Variants in NELL2 observed in about 807,000 individuals in gnomAD.
NELL2 encodes the protein protein kinase C-binding protein NELL2.
Under a neutral mutation model 109.6 loss-of-function variants are expected in NELL2, and 41 were observed. The ratio of observed to expected loss-of-function variants is 0.37; its 90% CI spans 0.29 to 0.49. The LOEUF is 0.49. Among genes scored for constraint, NELL2 ranks in the 20% least tolerant of loss-of-function variants. The pLI is 0.98. For synonymous variants in NELL2, 355 were observed against 344.7 expected, an observed-to-expected ratio of 1.03 and a Z score of -0.33; for missense variants, 900 against 1,008.3, an observed-to-expected ratio of 0.89 and a Z score of 1.45.
At chr12:44,771,851 G>A (rs990671447) in intron 9 of NELL2, among the ~76,000 whole-genome samples, 2 of 152,188 alleles carry the variant, frequency 1.3e-5, no homozygotes, top group African/African-American at 4.8e-5. Flanking sequence ...CCAGAAATGC[G>A]CAAACAACTC....
intron 2 of NELL2, among the ~76,000 whole-genome samples, chr12:44,828,761 CTTAAAA>C (rs1197437812): frequency 2.0e-5 from 3 of 152,060 alleles, no homozygotes; most frequent in Non-Finnish European, 2.9e-5. Context: ...TGATTTGGAA[CTTAAAA>C]TTAAAGTATT....
chr12:44,793,748 G>C (rs1409668916), intron 3 of NELL2, among the ~76,000 whole-genome samples: 2 of 152,064 alleles, frequency 1.3e-5, no homozygotes, highest in Non-Finnish European at 2.9e-5. Flanking sequence ...CTGACACATG[G>C]TTAGTACTCA....
At chr12:44,528,733 T>C (rs549350676) in intron 16 of NELL2, among the ~76,000 whole-genome samples, 1 of 152,346 alleles carries the variant, frequency 6.6e-6, no homozygotes, top group African/African-American at 2.4e-5. Flanking sequence ...CAGGTGACTT[T>C]ATAATTTCTA....
intron 15 of NELL2, among the ~76,000 whole-genome samples, chr12:44,564,025 G>A (rs74087610): frequency 6.6e-6 from 1 of 152,248 alleles, no homozygotes; most frequent in African/African-American, 2.4e-5. Context: ...TAAATAGGAT[G>A]ATAACACATT....
At chr12:44,650,897 T>C (rs1947277416) in intron 13 of NELL2, among the ~76,000 whole-genome samples, 1 of 152,190 alleles carries the variant, frequency 6.6e-6, no homozygotes, top group Non-Finnish European at 1.5e-5. Context: ...CTTGGACTAA[T>C]AGCCTCCAGA....
chr12:44,721,894 A>C (rs1324371889), intron 9 of NELL2, among the ~76,000 whole-genome samples: 1 of 152,110 alleles, frequency 6.6e-6, no homozygotes, highest in East Asian at 1.9e-4. Context: ...GTTTCATGAC[A>C]GCTATATTAA....
chr12:44,649,407 C>A (rs1947226057), intron 13 of NELL2, among the ~76,000 whole-genome samples: 5 of 152,180 alleles, frequency 3.3e-5, no homozygotes, highest in African/African-American at 9.7e-5. Flanking sequence ...CTTGGCAAAT[C>A]CACGGTCTTG....
At position 44,753,012 on chromosome 12, in the gene NELL2, G is replaced by T. The variant is rs529989865; in HGVS notation, c.994+21735C>A. ...GCGTCTCCCACCACGACCCTTGGAC[G>T]CTGCAACCCTGCTGGCCTGAACTTT... On this transcript the variant is annotated intron_variant, in intron 9 of 19. Coordinates refer to ENST00000429094, the MANE Select transcript of NELL2 (RefSeq NM_001145108.2). 5.9e-5 allele frequency among the ~76,000 whole-genome samples: 9 copies of T among 152,138 alleles called. No individual in the cohort carries two copies. The East Asian group carries it at 9.7e-4, about 16-fold the overall frequency.
intron 15 of NELL2, among the ~76,000 whole-genome samples, chr12:44,555,173 T>C (rs1456166823): frequency 6.6e-6 from 1 of 152,222 alleles, no homozygotes; most frequent in African/African-American, 2.4e-5. Flanking sequence ...AGCAGCAGCC[T>C]ACTCAACCTG....
chr12:44,644,623 TATACATAC>T (rs1555190911), intron 13 of NELL2, among the ~76,000 whole-genome samples: 3 of 78,892 alleles, frequency 3.8e-5, no homozygotes, highest in East Asian at 9.9e-4. Context: ...TATATATATA[TATACATAC>T]ATATATATAT....
chr12:44,748,088 C>A (rs1940477483), intron 9 of NELL2, among the ~76,000 whole-genome samples: 1 of 152,148 alleles, frequency 6.6e-6, no homozygotes, highest in African/African-American at 2.4e-5. Context: ...ACATCCCCTA[C>A]AAAGTGTGGA....
chr12:44,876,266 A>G lies in NELL2; in HGVS notation c.-397T>C. 8.7e-7 allele frequency: 1 copy of G among 1,144,198 alleles called. No individual in the cohort carries two copies. Among genetic ancestry groups the G allele is most frequent in the South Asian group, 3.0e-5 (1 of 33,192 alleles). 70.9% of individuals were successfully genotyped at this position (1,144,198 alleles called of 1,614,324 possible). A position where few individuals can be genotyped will look rare whatever the true frequency, so the allele number is the denominator to read the frequency against. On this transcript the variant is annotated 5_prime_UTR_variant, in exon 1 of 20. Coordinates refer to ENST00000429094, the MANE Select transcript of NELL2 (RefSeq NM_001145108.2). ...AAAGCCCGGGCTGGGGCGGCCCCGC[A>G]CCCCCCCGTCTTCCCCGCCGCCCGA...
At chr12:44,749,614 T>C (rs1370869951) in intron 9 of NELL2, among the ~76,000 whole-genome samples, 2 of 152,120 alleles carry the variant, frequency 1.3e-5, no homozygotes, top group Non-Finnish European at 1.5e-5. Context: ...ACTGATGTCA[T>C]TTGAGGATTA....
At chr12:44,789,265 G>A (rs1828914886) in intron 3 of NELL2, among the ~76,000 whole-genome samples, 1 of 152,162 alleles carries the variant, frequency 6.6e-6, no homozygotes, top group African/African-American at 2.4e-5. Flanking sequence ...GGTATCCACA[G>A]CTGAGAGACC....
intron 13 of NELL2, among the ~76,000 whole-genome samples, chr12:44,641,086 G>A (rs926060716): frequency 1.3e-5 from 2 of 152,078 alleles, no homozygotes; most frequent in African/African-American, 4.8e-5. Context: ...GTTAAAAAGA[G>A]AGAAAAGAAC....
chr12:44,918,519 G>A (rs773956982), upstream of NELL2, among the ~76,000 whole-genome samples: 1,865 of 93,336 alleles, frequency 0.02, 20 homozygotes, highest in Middle Eastern at 0.037. Context: ...ATGCATGTAT[G>A]TGTGTGTGTG....
At chr12:44,664,583 C>T (rs965078231) in intron 13 of NELL2, among the ~76,000 whole-genome samples, 5 of 152,044 alleles carry the variant, frequency 3.3e-5, no homozygotes, top group African/African-American at 1.2e-4. Flanking sequence ...TATGGAGTCT[C>T]TTTCCCTGAA....
intron 13 of NELL2, among the ~76,000 whole-genome samples, chr12:44,650,709 A>G (rs796206584): frequency 3.3e-5 from 5 of 152,208 alleles, no homozygotes; most frequent in African/African-American, 1.2e-4. Context: ...CGCTGATGCA[A>G]TAGGTTAATT....
chr12:44,529,710 A>G (rs1941956543), intron 16 of NELL2, among the ~76,000 whole-genome samples: 1 of 152,238 alleles, frequency 6.6e-6, no homozygotes, highest in Non-Finnish European at 1.5e-5. Context: ...TGAGTGGCTG[A>G]TCAAGGAGAT....
Sources: allele counts gnomAD v4.1 joint callset (sites outside exome capture counted in the v4.1 genomes callset), GRCh38; gene constraint gnomAD v4.1.1; transcripts MANE v1.5; gene names NCBI Gene and HGNC (gene_info 2026-07-23, HGNC 2026-07-21).